Variants in ZNF582 observed in about 807,000 individuals in gnomAD.
ZNF582 encodes the protein zinc finger protein 582.
Under a neutral mutation model 12.3 loss-of-function variants are expected in ZNF582, and 14 were observed. The observed-to-expected ratio is 1.14, with a 90% CI of 0.75 to 1.78. The LOEUF is 1.78. Among genes scored for constraint, ZNF582 ranks in the 40% most tolerant of loss-of-function variants. ZNF582 has a pLI of 0.00. For missense variants in ZNF582, 567 were observed against 616.5 expected, an observed-to-expected ratio of 0.92 and a Z score of 0.85; for synonymous variants, 210 against 207.2, an observed-to-expected ratio of 1.01 and a Z score of -0.11.
intron 4 of ZNF582, chr19:56,388,569 A>G (rs1357791109): frequency 1.3e-5 from 2 of 152,174 alleles, no homozygotes; most frequent in African/African-American, 4.8e-5. Context: ...CTATTTCTAC[A>G]GTGCTTTCCC....
chr19:56,390,438 G>A (rs1332186758), exon 3 of ZNF582: 1 of 1,613,990 alleles, frequency 6.2e-7, no homozygotes, highest in East Asian at 2.2e-5. Flanking sequence ...CTCTGAGCAG[G>A]TGCCAACCAC....
chr19:56,384,941 G>T, exon 5 of ZNF582: 1 of 1,614,090 alleles, frequency 6.2e-7, no homozygotes, highest in Non-Finnish European at 8.5e-7. Context: ...CTGATAAAAA[G>T]TAAGGGATGC....
chr19:56,392,318 C>G (rs2042021258), intron 1 of ZNF582, among the ~76,000 whole-genome samples: 1 of 152,198 alleles, frequency 6.6e-6, no homozygotes, highest in Non-Finnish European at 1.5e-5. Context: ...GCTCTACAGC[C>G]CAAACTGAGG....
intron 1 of ZNF582, among the ~76,000 whole-genome samples, chr19:56,392,389 G>C (rs2042021840): frequency 6.6e-6 from 1 of 152,248 alleles, no homozygotes; most frequent in African/African-American, 2.4e-5. Context: ...GAGTTGGAAG[G>C]AACAGTAAGA....
intron 4 of ZNF582, among the ~76,000 whole-genome samples, chr19:56,388,679 C>T (rs551064316): frequency 2.6e-5 from 4 of 152,248 alleles, no homozygotes; most frequent in African/African-American, 4.8e-5. Flanking sequence ...GTTGCCCCAG[C>T]TGGAGCGCAG....
rs745372039 is a variant in ZNF582 at position 56,384,523 on chromosome 19, A to G, written c.894T>C (p.Leu298=). ...CAGTATGAATTCTATAATGTACTTT[A>G]AGATGTGAGATCCGATTGAAGGCCT... Residue 298 remains leucine (L), a synonymous_variant, in exon 5 of 5, where the codon CTT becomes CTC. Transcript: ENST00000586929. 3.1e-6 allele frequency: 5 copies of G among 1,613,462 alleles called. No homozygotes were observed. In the African/African-American group the frequency reaches 5.3e-5, roughly 17 times the overall value.
exon 5 of ZNF582, chr19:56,384,907 A>C: frequency 6.2e-7 from 1 of 1,613,988 alleles, no homozygotes; most frequent in East Asian, 2.2e-5. Flanking sequence ...TATACCCAAA[A>C]GGTTTTTCTC....
exon 5 of ZNF582, chr19:56,383,686 C>T (rs1280074273): frequency 2.6e-5 from 17 of 656,892 alleles, no homozygotes; most frequent in Non-Finnish European, 3.7e-5. Context: ...TTTCTCCCAA[C>T]CTTTCCCAGC....
chr19:56,390,601 TGAAC>T, intron 2 of ZNF582, 100 bp from the exon 3 acceptor site: 3 of 1,351,418 alleles, frequency 2.2e-6, no homozygotes, highest in Middle Eastern at 1.8e-4. Flanking sequence ...GTTGTTTTGT[TGAAC>T]AAGAAGGGTG....
chr19:56,383,784 G>A (rs933845725), exon 5 of ZNF582: 51 of 1,457,388 alleles, frequency 3.5e-5, no homozygotes, highest in African/African-American at 5.7e-5. Context: ...GCTTACCTCT[G>A]AATGAAGGCA....
chr19:56,392,812 A>G (rs903085548), intron 1 of ZNF582, among the ~76,000 whole-genome samples: 2 of 152,258 alleles, frequency 1.3e-5, no homozygotes, highest in African/African-American at 4.8e-5. Flanking sequence ...AGTACTCTGT[A>G]AAGGAGTATA....
intron 4 of ZNF582, among the ~76,000 whole-genome samples, chr19:56,389,390 C>A (rs1017544793): frequency 2.0e-5 from 3 of 152,122 alleles, no homozygotes; most frequent in Non-Finnish European, 4.4e-5. Flanking sequence ...ATGGATGGAG[C>A]TGGAAGCCAT....
intron 3 of ZNF582, 43 bp downstream of exon 3, chr19:56,390,332 T>C (rs754781664): frequency 1.2e-6 from 2 of 1,613,002 alleles, no homozygotes; most frequent in Admixed American, 1.7e-5. Context: ...GGAAGGAACA[T>C]GCCCAAGGAT....
At chr19:56,393,284 C>T (rs1600334443) in exon 1 of ZNF582, 4 of 1,240,432 alleles carry the variant, frequency 3.2e-6, no homozygotes, top group Admixed American at 3.3e-5. Flanking sequence ...AAAGCGCACG[C>T]CGCGAGGGCC....
At chr19:56,391,123 G>A (rs2042010703) in intron 2 of ZNF582, among the ~76,000 whole-genome samples, 2 of 152,092 alleles carry the variant, frequency 1.3e-5, no homozygotes, top group African/African-American at 2.4e-5. Flanking sequence ...TGGATCCCGA[G>A]GTTGGATCAG....
At chr19:56,385,310 A>G (rs568857460) in intron 4 of ZNF582, 126 bp from the exon 5 acceptor site, 1 of 961,742 alleles carries the variant, frequency 1.0e-6, no homozygotes, top group South Asian at 1.9e-5. Flanking sequence ...CAATTATAAA[A>G]TGGACAAGTA....
At chr19:56,389,871 GGAAAACAA>G in intron 4 of ZNF582, 122 bp downstream of exon 4, 1 of 661,580 alleles carries the variant, frequency 1.5e-6, no homozygotes, top group Non-Finnish European at 2.6e-6. Context: ...GACGAGCTGA[GGAAAACAA>G]CACGTAAGAC....
rs368966728 is a variant in ZNF582, at chr19:56,390,338, A to G, written c.136+37T>C. 4 of 1,613,704 alleles carry G rather than the reference A, an allele frequency of 2.5e-6. No individual in the cohort carries two copies. The South Asian group carries it at 3.3e-5, about 13-fold the overall frequency. ...AACTGACCAGGAAGGAACATGCCCA[A>G]GGATAACCTCCAAACTAACAGACGA... On this transcript the variant is annotated intron_variant, in intron 3 of 4. Coordinates refer to ENST00000586929, the Ensembl canonical transcript of ZNF582.
intron 1 of ZNF582, 31 bp from the exon 2 acceptor site, chr19:56,391,863 T>G (rs2147519837): frequency 4.4e-6 from 7 of 1,576,332 alleles, no homozygotes; most frequent in South Asian, 2.2e-5. Flanking sequence ...CATGAGAGGC[T>G]AGGCTTGCCT....
Sources: gnomAD v4.1 joint callset for allele counts (sites outside exome capture counted in the v4.1 genomes callset) on GRCh38, gnomAD v4.1.1 for gene constraint, MANE v1.5 for transcripts, NCBI Gene and HGNC (gene_info 2026-07-23, HGNC 2026-07-21) for gene names.